EPHB6: variants seen among roughly 807,000 people sequenced by gnomAD.
EPHB6 encodes the protein ephrin type-B receptor 6.
EPHB6 carries 51 observed loss-of-function variants against 107.0 expected under a neutral mutation model. The observed-to-expected ratio is 0.48, with a 90% confidence interval of 0.38 to 0.60. The LOEUF (loss-of-function observed/expected upper bound fraction) is 0.60. Ranked by LOEUF, EPHB6 falls within the 20% of genes least tolerant of loss-of-function variation. The pLI is 0.00. For missense variants in EPHB6, 1,141 were observed against 1,355.5 expected, an observed-to-expected ratio of 0.84 and a Z score of 2.48; for synonymous variants, 553 against 549.0, an observed-to-expected ratio of 1.01 and a Z score of -0.10.
Position 142,869,220 on chromosome 7 carries a change from A to T in EPHB6, c.2460+73A>T. ...CCAGCAGGTGCTGGGGTCGGGGGTGAGCTGGAATCTGGGGTAGGTACCTCA... is the reference window on the plus strand; with the variant it reads ...CCAGCAGGTGCTGGGGTCGGGGGTGTGCTGGAATCTGGGGTAGGTACCTCA... On this transcript the variant is annotated intron_variant, in intron 16 of 19. Transcript: ENST00000652003. The surrounding 1 kb of genome is among the most constrained non-coding windows in gnomAD (Gnocchi z 4.5). 6.4e-7 allele frequency: 1 copy of T among 1,556,944 alleles called. No homozygotes were observed. Among genetic ancestry groups the T allele is most frequent in the Non-Finnish European group, 8.8e-7 (1 of 1,140,374 alleles).
intron 1 of EPHB6, among the ~76,000 whole-genome samples, chr7:142,859,154 G>C (rs1802738006): frequency 6.7e-6 from 1 of 148,896 alleles, no homozygotes; most frequent in East Asian, 2.0e-4. Context: ...AGTTCCTTTT[G>C]TAAGTCAGAG....
At chr7:142,861,576 G>T (rs1434315316) in intron 2 of EPHB6, among the ~76,000 whole-genome samples, 1 of 152,114 alleles carries the variant, frequency 6.6e-6, no homozygotes, top group Non-Finnish European at 1.5e-5. Flanking sequence ...TTAACAAAGG[G>T]GAGCTTACTT....
chr7:142,861,889 G>T (rs1183436785), intron 2 of EPHB6, 128 bp from the exon 3 acceptor site: 1 of 152,200 alleles, frequency 6.6e-6, no homozygotes, highest in African/African-American at 2.4e-5. Context: ...AGCAGAGTAT[G>T]TACAAGAGAA....
chr7:142,866,370 C>T lies in EPHB6; in HGVS notation c.1462+54C>T. Reference sequence around the variant, plus strand: ...CCCCTGCCTCCGCTCCTTTGAGCCCCCTTCCCTACTCCTGATCTCCAGCCT... The same window carrying T: ...CCCCTGCCTCCGCTCCTTTGAGCCCTCTTCCCTACTCCTGATCTCCAGCCT... On this transcript the variant is annotated intron_variant, in intron 9 of 19. Transcript: ENST00000652003. The surrounding 1 kb of genome is among the most constrained non-coding windows in gnomAD (Gnocchi z 5.2). 1 of 1,612,004 alleles carries T rather than the reference C, an allele frequency of 6.2e-7. No individual in the cohort carries two copies. Among genetic ancestry groups the T allele is most frequent in the Non-Finnish European group, 8.5e-7 (1 of 1,179,228 alleles).
chr7:142,867,496 GGCATGC>G lies in EPHB6; in HGVS notation c.1751-109_1751-104del. ...CTGTGCATGGATGTGGGAGGTTTGGGGCATGCGCGTGCATGTTGTGTGTGCCTGTGG... is the reference window on the plus strand; with the variant it reads ...CTGTGCATGGATGTGGGAGGTTTGGGGCGTGCATGTTGTGTGTGCCTGTGG... On this transcript the variant is annotated intron_variant, in intron 11 of 19. Coordinates refer to ENST00000652003, the MANE Select transcript of EPHB6 (RefSeq NM_004445.6). The surrounding 1 kb of genome is among the most constrained non-coding windows in gnomAD (Gnocchi z 5.3). The G allele has an allele frequency of 2.3e-6, 2 of 876,414 alleles. No individual in the cohort carries two copies. The highest frequency in any genetic ancestry group is 3.7e-6 in the Non-Finnish European group (2 of 541,650). 54.3% of individuals were successfully genotyped at this position (876,414 alleles called of 1,614,324 possible).
rs865861865 is a variant in EPHB6 at position 142,866,106 on chromosome 7, G to A, written c.1252G>A (p.Ala418Thr). ...GGAGTGTGAAGGCCGCCAGGAACCTGCCAGCGGTGGTGGGGGCACTTGTCA... is the reference window on the plus strand; with the variant it reads ...GGAGTGTGAAGGCCGCCAGGAACCTACCAGCGGTGGTGGGGGCACTTGTCA... ...CKECEGRQEP[A>T]SGGGGTCHRC... Residue 418 changes from alanine (A) to threonine (T), a missense_variant, in exon 9 of 20, where the codon GCC becomes ACC. Physicochemically the swap from Ala to Thr is moderately conservative, Grantham distance 58. This residue lies in a region of EPHB6 where 304 missense variants were observed against 295.7 expected (regional missense o/e 1.03). Transcript: ENST00000652003. The surrounding 1 kb of genome is among the most constrained non-coding windows in gnomAD (Gnocchi z 5.2). 2 of 1,612,416 alleles carry A rather than the reference G, an allele frequency of 1.2e-6. No individual in the cohort carries two copies. Among genetic ancestry groups the A allele is most frequent in the Non-Finnish European group, 1.7e-6 (2 of 1,179,308 alleles).
At chr7:142,865,770 T>A in intron 8 of EPHB6, 140 bp downstream of exon 8, 1 of 1,246,254 alleles carries the variant, frequency 8.0e-7, no homozygotes, top group Non-Finnish European at 1.1e-6. Flanking sequence ...CCCCTCCCTG[T>A]CCCCACCCCC....
In EPHB6 at chr7:142,867,731, C is replaced by A. The variant is rs757883624; in HGVS notation, c.1865+9C>A. The A allele has an allele frequency of 1.2e-6, 2 of 1,601,880 alleles. No individual in the cohort carries two copies. The highest frequency in any genetic ancestry group is 1.7e-6 in the Non-Finnish European group (2 of 1,174,548). Reference sequence around the variant, plus strand: ...GCGGTCGTCTTCCAGCGGTGAGTCCCCACCCCTGCCCAACTCTGCCCAGCA... The same window carrying A: ...GCGGTCGTCTTCCAGCGGTGAGTCCACACCCCTGCCCAACTCTGCCCAGCA... On this transcript the variant is annotated intron_variant, in intron 12 of 19. Transcript: ENST00000652003. This position sits in a 1 kb window ranked among gnomAD's most constrained non-coding sequence, Gnocchi z 5.3.
rs1794895508 is a variant in EPHB6 at position 142,870,964 on chromosome 7, T to A, written c.*60T>A. ...GGTCCGAGAAGGGACATGTGGGACG[T>A]GAGCCGGGCTCCAACAGCCTCTGTG... On this transcript the variant is annotated 3_prime_UTR_variant, in exon 20 of 20. Transcript: ENST00000652003. 6.6e-7 allele frequency: 1 copy of A among 1,514,282 alleles called. No individual in the cohort carries two copies. The highest frequency in any genetic ancestry group is 9.0e-7 in the Non-Finnish European group (1 of 1,114,694). 93.8% of individuals were successfully genotyped at this position (1,514,282 alleles called of 1,614,324 possible). A position where few individuals can be genotyped will look rare whatever the true frequency, so the allele number is the denominator to read the frequency against.
Position 142,869,815 on chromosome 7 carries a change from A to G in EPHB6, c.2461-2A>G. Reference sequence around the variant, plus strand: ...CTATTTGCTTTTGACTTTACCCCTCAGGGCCCAAGTTGTTTGCTTCGCTGG... The same window carrying G: ...CTATTTGCTTTTGACTTTACCCCTCGGGGCCCAAGTTGTTTGCTTCGCTGG... On this transcript the variant is annotated splice_acceptor_variant, in intron 16 of 19. Transcript: ENST00000652003. LOFTEE classifies it high-confidence loss of function. This position sits in a 1 kb window ranked among gnomAD's most constrained non-coding sequence, Gnocchi z 4.5. 1 of 1,614,218 alleles carries G rather than the reference A, an allele frequency of 6.2e-7. No individual in the cohort carries two copies. The highest frequency in any genetic ancestry group is 8.5e-7 in the Non-Finnish European group (1 of 1,180,028).
In EPHB6 at chr7:142,864,340, G is replaced by A; in HGVS notation, c.540G>A (p.Trp180Ter). ...CCTCCTCTTCTTCCTCTGCAGCGTG[G>A]GCTGTGGGACCCCACGGGGCTGGGC... ...SSSSSSSSAA[W>*]AVGPHGAGQR... is the part of the protein sequence containing the mutation. The change falls in exon 7 of 20, where the codon TGG becomes TGA. Residue 180 changes from tryptophan (W) to a stop codon, truncating the protein, a stop_gained. Coordinates refer to ENST00000652003, the MANE Select transcript of EPHB6 (RefSeq NM_004445.6). LOFTEE classifies it high-confidence loss of function. 6.2e-7 allele frequency: 1 copy of A among 1,613,312 alleles called. No individual in the cohort carries two copies. The highest frequency in any genetic ancestry group is 8.5e-7 in the Non-Finnish European group (1 of 1,180,020).
In EPHB6 at chr7:142,862,030, AAGTCCAAGAT is replaced by A. The variant is rs1802863892; in HGVS notation, c.-282_-273del. 3 of 152,242 alleles carry A rather than the reference AAGTCCAAGAT, an allele frequency of 2.0e-5. No individual in the cohort carries two copies. Among genetic ancestry groups the A allele is most frequent in the African/African-American group, 7.2e-5 (3 of 41,456 alleles). The allele number at this position is 152,242 out of a possible 1,614,324, so 9.4% of individuals were successfully genotyped here. ...TCTTTCTCACAGTCTAGATGCTGGG[AAGTCCAAGAT>A]CAGGGTGCCGGCATGGTCAGTTCCT... On this transcript the variant is annotated 5_prime_UTR_variant, in exon 3 of 20. An upstream open reading frame in the 5' UTR loses its in-frame stop. Transcript: ENST00000652003.
rs762100790 is a variant in EPHB6 at position 142,868,574 on chromosome 7, C to T, written c.2121C>T (p.Ala707=). Residue 707 remains alanine (A), a synonymous_variant, in exon 15 of 20, where the codon GCC becomes GCT. Transcript: ENST00000652003. This position sits in a 1 kb window ranked among gnomAD's most constrained non-coding sequence, Gnocchi z 4.2. ...EQTVAIQALW[A]GGAESLQMTF... is the part of the protein sequence containing the mutation. ...CTGTGGCCATCCAGGCCCTGTGGGC[C>T]GGGGGCGCCGAAAGCCTGCAGATGA... is the stretch of plus-strand genomic sequence containing the variant. 23 of 1,613,290 alleles carry T rather than the reference C, an allele frequency of 1.4e-5. No homozygotes were observed. The highest frequency in any genetic ancestry group is 1.6e-4 in the Middle Eastern group (1 of 6,084).
rs8177120 is a variant in EPHB6, at chr7:142,859,229, C to G, written c.-431-1823C>G. On this transcript the variant is annotated intron_variant, in intron 1 of 19. Coordinates refer to ENST00000652003, the MANE Select transcript of EPHB6 (RefSeq NM_004445.6). ...GGGCCTGGCTTTGCAGAGGCTGCTT[C>G]CCATCTCTGTGGCAGGAGAAATGTA... is the stretch of plus-strand genomic sequence containing the variant. 4.9e-3 allele frequency among the ~76,000 whole-genome samples: 744 copies of G among 152,308 alleles called. 5 individuals carry two copies. The highest frequency in any genetic ancestry group is 0.017 in the African/African-American group (701 of 41,562).
Position 142,864,434 on chromosome 7 carries a change from G to C in EPHB6, c.634G>C (p.Val212Leu). ...GCCTCTCACCCAACGCGGCTTCTAC[G>C]TGGCCTTCCAGGACACGGGGGCCTG... is the stretch of plus-strand genomic sequence containing the variant. ...FGPLTQRGFY[V>L]AFQDTGACLA... Residue 212 changes from valine (V) to leucine (L), a missense_variant, in exon 7 of 20, where the codon GTG becomes CTG. Around this residue, in one of 3 missense-constraint regions of EPHB6, gnomAD observed 221 missense variants for 300.5 expected, o/e 0.74. Transcript: ENST00000652003. The C allele has an allele frequency of 6.2e-7, 1 of 1,612,200 alleles. No individual in the cohort carries two copies. Among genetic ancestry groups the C allele is most frequent in the Middle Eastern group, 1.7e-4 (1 of 6,058 alleles).
chr7:142,861,551 G>A (rs1385673081), intron 2 of EPHB6, among the ~76,000 whole-genome samples: 1 of 152,142 alleles, frequency 6.6e-6, no homozygotes, highest in Non-Finnish European at 1.5e-5. Context: ...ACATATGTAT[G>A]TGTATATATC....
chr7:142,863,071 A>G lies in EPHB6; in HGVS notation c.-101-56A>G, dbSNP rs182753517. Reference sequence around the variant, plus strand: ...GGTCAGCTTTTGGAGCTTGGGCTGTATATGAAGAAACACTTTCTTCCCACC... The same window carrying G: ...GGTCAGCTTTTGGAGCTTGGGCTGTGTATGAAGAAACACTTTCTTCCCACC... On this transcript the variant is annotated intron_variant, in intron 4 of 19. Transcript: ENST00000652003. 6.9e-4 allele frequency: 443 copies of G among 642,122 alleles called. 1 individual carries two copies. The African/African-American group carries it at 7.1e-3, about 10-fold the overall frequency. The allele number at this position is 642,122 out of a possible 1,614,324, so 39.8% of individuals were successfully genotyped here. A position where few individuals can be genotyped will look rare whatever the true frequency, so the allele number is the denominator to read the frequency against.
rs1794669143 is a variant in EPHB6, at chr7:142,867,534, TG to T, written c.1751-71del. 7.9e-7 allele frequency: 1 copy of T among 1,266,560 alleles called. No homozygotes were observed. Among genetic ancestry groups the T allele is most frequent in the Admixed American group, 1.9e-5 (1 of 52,138 alleles). The allele number at this position is 1,266,560 out of a possible 1,614,324, so 78.5% of individuals were successfully genotyped here. A position where few individuals can be genotyped will look rare whatever the true frequency, so the allele number is the denominator to read the frequency against. On this transcript the variant is annotated intron_variant, in intron 11 of 19. Coordinates refer to ENST00000652003, the MANE Select transcript of EPHB6 (RefSeq NM_004445.6). The surrounding 1 kb of genome is among the most constrained non-coding windows in gnomAD (Gnocchi z 5.3). ...ATGTTGTGTGTGCCTGTGGTGTGTG[TG>T]GGTGCCTGGGCACATGAACAAGCAC... is the stretch of plus-strand genomic sequence containing the variant.
rs530476763 is a variant in EPHB6, at chr7:142,869,246, G to A, written c.2460+99G>A. On this transcript the variant is annotated intron_variant, in intron 16 of 19. Coordinates refer to ENST00000652003, the MANE Select transcript of EPHB6 (RefSeq NM_004445.6). This position sits in a 1 kb window ranked among gnomAD's most constrained non-coding sequence, Gnocchi z 4.5. ...GCTGGAATCTGGGGTAGGTACCTCA[G>A]CCGGGGTGTCATAGTCCCTGAAAGG... is the stretch of plus-strand genomic sequence containing the variant. 6.5e-6 allele frequency: 9 copies of A among 1,387,944 alleles called. No homozygotes were observed. The East Asian group carries it at 7.0e-5, about 11-fold the overall frequency. The allele number at this position is 1,387,944 out of a possible 1,614,324, so 86.0% of individuals were successfully genotyped here.
Sources: gnomAD v4.1 joint callset for allele counts (sites outside exome capture counted in the v4.1 genomes callset) on GRCh38, gnomAD v4.1.1 for gene constraint, gnomAD v4.1.1 regional missense constraint, Gnocchi (gnomAD v3.1) non-coding constraint, MANE v1.5 for transcripts, NCBI Gene and HGNC (gene_info 2026-07-23, HGNC 2026-07-21) for gene names.